Variants in IDE observed in about 807,000 individuals in gnomAD.
The protein encoded by IDE is insulin-degrading enzyme.
A neutral mutation model predicts 133.2 loss-of-function variants in IDE; 58 were observed. That is an observed-to-expected ratio of 0.44 (90% confidence interval 0.35 to 0.54). The LOEUF (loss-of-function observed/expected upper bound fraction) is 0.54, where lower values mean the gene tolerates loss of function less well. Among genes scored for constraint, IDE ranks in the 20% least tolerant of loss-of-function variants. The pLI is 0.00. For missense variants in IDE, 981 were observed against 1,234.0 expected (o/e 0.79, Z 3.07); for synonymous variants, 396 against 421.3 (o/e 0.94, Z 0.73).
chr10:92,521,133 A>G (rs1480977789), intron 4 of IDE, among the ~76,000 whole-genome samples: 1 of 152,234 alleles, frequency 6.6e-6, no homozygotes, highest in Non-Finnish European at 1.5e-5. Context: ...ATTTTACAGC[A>G]GTACTCAAGT....
chr10:92,535,789 A>G (rs1024903756), intron 2 of IDE, among the ~76,000 whole-genome samples: 3 of 152,208 alleles, frequency 2.0e-5, no homozygotes, highest in African/African-American at 7.2e-5. Context: ...TAATCCCAGC[A>G]CTTTGGGAGG....
In IDE at chr10:92,468,935, G is replaced by A. The variant is rs746094977; in HGVS notation, c.2264C>T (p.Thr755Ile). Reference sequence around the variant, plus strand: ...CAGCTGACTTGGAAGGAGAGGTTTGGTATGAGCATGTTCAATGAGGGTGTC... The same window carrying A: ...CAGCTGACTTGGAAGGAGAGGTTTGATATGAGCATGTTCAATGAGGGTGTC... Reference protein sequence around the residue: ...VEDTLIEHAHTKPLLPSQLVR... With the variant: ...VEDTLIEHAHIKPLLPSQLVR... Residue 755 changes from threonine to isoleucine, a missense_variant, in exon 19 of 25, where the codon ACC (threonine) becomes ATC (isoleucine). Physicochemically the swap from Thr to Ile is moderately conservative, Grantham distance 89. Transcript: ENST00000265986. 30 of 1,613,192 alleles carry A rather than the reference G, an allele frequency of 1.9e-5. No individual in the cohort carries two copies. The highest frequency in any genetic ancestry group is 2.5e-5 in the Non-Finnish European group (29 of 1,179,266).
intron 14 of IDE, among the ~76,000 whole-genome samples, chr10:92,482,688 T>C (rs1240593454): frequency 1.3e-5 from 2 of 150,732 alleles, no homozygotes; most frequent in East Asian, 1.9e-4. Context: ...ATCCTAACAA[T>C]AGCTAACATA....
intron 22 of IDE, 48 bp from the exon 23 acceptor site, chr10:92,456,479 T>C: frequency 8.1e-7 from 1 of 1,238,908 alleles, no homozygotes; most frequent in Non-Finnish European, 1.2e-6. Context: ...ACTAAAGAAC[T>C]TACAATGAGG....
chr10:92,483,770 AG>A (rs1366042689), intron 13 of IDE, among the ~76,000 whole-genome samples: 1 of 152,136 alleles, frequency 6.6e-6, no homozygotes, highest in Non-Finnish European at 1.5e-5. Flanking sequence ...ACACTACACC[AG>A]GGTTGGTCTG....
intron 22 of IDE, among the ~76,000 whole-genome samples, chr10:92,458,522 G>C (rs1202565696): frequency 2.5e-5 from 2 of 79,134 alleles, no homozygotes; most frequent in African/African-American, 9.9e-5. Context: ...TTTTTTTTGA[G>C]ATGGAGTCTC....
At chr10:92,515,592 G>A (rs1302775813) in intron 4 of IDE, among the ~76,000 whole-genome samples, 2 of 99,310 alleles carry the variant, frequency 2.0e-5, no homozygotes, top group Admixed American at 1.1e-4. Flanking sequence ...ACGGAATTTC[G>A]CTTTTATTGC....
chr10:92,476,107 G>T, intron 15 of IDE, 113 bp from the exon 16 acceptor site: 1 of 611,062 alleles, frequency 1.6e-6, no homozygotes, highest in Non-Finnish European at 2.9e-6. Flanking sequence ...TGTAAAAAAT[G>T]AAACAAATTC....
chr10:92,509,393 C>A (rs912123194), intron 6 of IDE, among the ~76,000 whole-genome samples: 2 of 151,466 alleles, frequency 1.3e-5, no homozygotes, highest in Non-Finnish European at 2.9e-5. Flanking sequence ...AGGAGTTCGA[C>A]CTCAGCCTGG....
intron 5 of IDE, among the ~76,000 whole-genome samples, chr10:92,513,252 G>C (rs904383819): frequency 1.3e-5 from 2 of 152,120 alleles, no homozygotes; most frequent in African/African-American, 4.8e-5. Flanking sequence ...GAGTGCAGTG[G>C]CACAATCTTG....
chr10:92,508,030 A>G, intron 8 of IDE, 83 bp downstream of exon 8: 1 of 952,074 alleles, frequency 1.1e-6, no homozygotes, highest in African/African-American at 1.6e-5. Flanking sequence ...TCAACATAAA[A>G]CAGATCCACA....
chr10:92,501,486 A>G (rs1483650929), intron 11 of IDE, among the ~76,000 whole-genome samples: 2 of 150,594 alleles, frequency 1.3e-5, no homozygotes, highest in African/African-American at 2.4e-5. Flanking sequence ...CCTGGCCAAC[A>G]TGGTGAAACC....
intron 11 of IDE, among the ~76,000 whole-genome samples, chr10:92,495,944 G>T (rs935041592): frequency 6.6e-6 from 1 of 151,302 alleles, no homozygotes; most frequent in Non-Finnish European, 1.5e-5. Flanking sequence ...GCATGATCTT[G>T]GCTCACTGCA....
Position 92,475,903 on chromosome 10 carries a change from A to G in IDE, c.1976T>C (p.Phe659Ser), listed in dbSNP as rs772157709. 1 of 1,435,614 alleles carries G rather than the reference A, an allele frequency of 7.0e-7. No individual in the cohort carries two copies. The highest frequency in any genetic ancestry group is 9.7e-7 in the Non-Finnish European group (1 of 1,035,218). 88.9% of individuals were successfully genotyped at this position (1,435,614 alleles called of 1,614,324 possible). A position where few individuals can be genotyped will look rare whatever the true frequency, so the allele number is the denominator to read the frequency against. The part of the protein sequence containing the change: ...MATFEIDEKR[F>S]EIIKEAYMRS... ...ACTTACTGCTTCTTTGATAATTTCAAATCTTTTTTCATCAATCTCAAAGGT... is the reference window on the plus strand; with the variant it reads ...ACTTACTGCTTCTTTGATAATTTCAGATCTTTTTTCATCAATCTCAAAGGT... The change falls in exon 16 of 25, where the codon TTT becomes TCT. Residue 659 changes from phenylalanine (F) to serine (S), a missense_variant. Phe to Ser is a radical substitution (Grantham distance 155, BLOSUM62 -2). Coordinates refer to ENST00000265986, the MANE Select transcript of IDE (RefSeq NM_004969.4).
At chr10:92,473,619 A>C (rs1846095857) in intron 17 of IDE, among the ~76,000 whole-genome samples, 1 of 151,984 alleles carries the variant, frequency 6.6e-6, no homozygotes, top group African/African-American at 2.4e-5. Flanking sequence ...AGGATGCTAA[A>C]GCAGGAAAAA....
chr10:92,496,757 GC>G (rs750000704), intron 11 of IDE, among the ~76,000 whole-genome samples: 1 of 152,200 alleles, frequency 6.6e-6, no homozygotes, highest in Non-Finnish European at 1.5e-5. Context: ...TTGCACTCCA[GC>G]CTGGGCAACA....
chr10:92,524,409 ATAT>A (rs1849445350), intron 4 of IDE, among the ~76,000 whole-genome samples: 3 of 87,970 alleles, frequency 3.4e-5, no homozygotes, highest in African/African-American at 4.6e-5. Flanking sequence ...TATATAATAT[ATAT>A]TATATTATAT....
intron 13 of IDE, among the ~76,000 whole-genome samples, chr10:92,485,658 A>C (rs1025472711): frequency 7.9e-5 from 12 of 152,148 alleles, no homozygotes; most frequent in Admixed American, 7.2e-4. Flanking sequence ...AACAAACAGC[A>C]AAAGTCGGAT....
At chr10:92,504,345 T>TG (rs1589436294) in intron 11 of IDE, among the ~76,000 whole-genome samples, 1 of 152,264 alleles carries the variant, frequency 6.6e-6, no homozygotes, top group East Asian at 1.9e-4. Context: ...GGTTAACCAC[T>TG]GGTCAATCAG....
Sources: gnomAD v4.1 joint callset for allele counts (sites outside exome capture counted in the v4.1 genomes callset) on GRCh38, gnomAD v4.1.1 for gene constraint, MANE v1.5 for transcripts, NCBI Gene and HGNC (gene_info 2026-07-23, HGNC 2026-07-21) for gene names.